Variants in ARAP3 observed in about 807,000 individuals in gnomAD.
ARAP3 encodes the protein ArfGAP with RhoGAP domain, ankyrin repeat and PH domain 3.
ARAP3 carries 82 observed loss-of-function variants against 169.2 expected under a neutral mutation model. That is an observed-to-expected ratio of 0.48 (90% CI 0.41 to 0.58). The LOEUF (loss-of-function observed/expected upper bound fraction) is 0.58. Among genes scored for constraint, ARAP3 ranks in the 20% least tolerant of loss-of-function variants. The probability of loss-of-function intolerance (pLI) is 0.00; values close to 1 mark genes in which losing one functional copy is unlikely to be tolerated. For synonymous variants in ARAP3, 791 were observed against 800.3 expected (o/e 0.99, Z 0.20); for missense variants, 1,764 against 2,018.0 (o/e 0.87, Z 2.41).
At chr5:141,674,472 G>C (rs763731417) in intron 4 of ARAP3, among the ~76,000 whole-genome samples, 2 of 152,102 alleles carry the variant, frequency 1.3e-5, no homozygotes, top group Non-Finnish European at 2.9e-5. Flanking sequence ...TGCCCAGGCT[G>C]GTCTCAAACT....
At chr5:141,668,892 C>A (rs185163879) in intron 16 of ARAP3, among the ~76,000 whole-genome samples, 54 of 152,260 alleles carry the variant, frequency 3.5e-4, no homozygotes, top group African/African-American at 1.3e-3. Context: ...CAAAGGGGAA[C>A]TGCAGGCTGC....
chr5:141,658,347 A>G lies in ARAP3; in HGVS notation c.3526+18T>C, dbSNP rs2099909506. The G allele has an allele frequency of 1.2e-6, 2 of 1,608,882 alleles. No individual in the cohort carries two copies. The highest frequency in any genetic ancestry group is 1.7e-5 in the Admixed American group (1 of 59,956). On this transcript the variant is annotated intron_variant, in intron 25 of 32. Transcript: ENST00000239440. Reference sequence around the variant, plus strand: ...CGCATATACACATGCATGAACACACAGGCGTGGTCATACTCACCCAGCTCC... The same window carrying G: ...CGCATATACACATGCATGAACACACGGGCGTGGTCATACTCACCCAGCTCC...
chr5:141,682,033 A>G (rs1216478558), intron 1 of ARAP3, 140 bp downstream of exon 1: 59 of 147,180 alleles, frequency 4.0e-4, no homozygotes, highest in Admixed American at 2.9e-3. Context: ...GAGGCCGGGC[A>G]GCAGGAGGGA....
In ARAP3 at chr5:141,654,262, G is replaced by T. The variant is rs2099908903; in HGVS notation, c.4323C>A (p.Ser1441Arg). ...WTVKPENPLTSQKSLDQPFLS... is the reference protein window; with the variant it reads ...WTVKPENPLTRQKSLDQPFLS... ...GAAAGGGTTGATCCAATGACTTCTG[G>T]CTGGTGAGGGGGTTCTCTGGCTTCA... The change falls in exon 33 of 33, where the codon AGC (serine) becomes AGA (arginine). Residue 1441 changes from serine (S) to arginine (R), a missense_variant. By Grantham distance (110) the Ser-to-Arg change is moderately radical (BLOSUM62 -1). This residue lies in a region of ARAP3 where 1,112 missense variants were observed against 1,285.7 expected (regional missense o/e 0.86). Transcript: ENST00000239440. 1 of 1,614,188 alleles carries T rather than the reference G, an allele frequency of 6.2e-7. No homozygotes were observed. The highest frequency in any genetic ancestry group is 8.5e-7 in the Non-Finnish European group (1 of 1,180,030).
At position 141,671,463 on chromosome 5, in the gene ARAP3, G is replaced by A. The variant is rs541134229; in HGVS notation, c.1855-63C>T. 8 of 1,598,034 alleles carry A rather than the reference G, an allele frequency of 5.0e-6. No homozygotes were observed. The highest frequency in any genetic ancestry group is 4.5e-5 in the East Asian group (2 of 44,764). ...CAAACTGAGAGCACTGGGGACAGTC[G>A]TATCATCACTAAAAACAGTCCCCAC... On this transcript the variant is annotated intron_variant, in intron 12 of 32. Coordinates refer to ENST00000239440, the MANE Select transcript of ARAP3 (RefSeq NM_022481.6). This position sits in a 1 kb window ranked among gnomAD's most constrained non-coding sequence, Gnocchi z 4.9.
rs541231665 is a variant in ARAP3 at position 141,670,760 on chromosome 5, A to G, written c.1991-132T>C. On this transcript the variant is annotated intron_variant, in intron 13 of 32. Coordinates refer to ENST00000239440, the MANE Select transcript of ARAP3 (RefSeq NM_022481.6). ...TGCCAGCACAGCCAAGTAGAGCCCA[A>G]TGGAGCTGGATCCCTCACTACCCAG... The G allele has an allele frequency of 2.1e-4, 152 of 714,404 alleles. 4 individuals carry two copies. In the East Asian group the frequency reaches 3.7e-3, roughly 17 times the overall value. The allele number at this position is 714,404 out of a possible 1,614,324, so 44.3% of individuals were successfully genotyped here.
chr5:141,661,629 T>G, intron 21 of ARAP3, 55 bp downstream of exon 21: 1 of 1,483,002 alleles, frequency 6.7e-7, no homozygotes, highest in Non-Finnish European at 9.4e-7. Flanking sequence ...TGAATGAAAG[T>G]GCAGGGTCAG....
Position 141,656,657 on chromosome 5 carries a change from C to G in ARAP3, c.3656-20G>C, listed in dbSNP as rs1402806889. 4 of 1,613,416 alleles carry G rather than the reference C, an allele frequency of 2.5e-6. No individual in the cohort carries two copies. The Admixed American group carries it at 6.7e-5, about 27-fold the overall frequency. ...GGATACCTGGGCATAGATGGGCAATCCTGGGTGGAGGATGCTAGGGGAGAG... is the reference window on the plus strand; with the variant it reads ...GGATACCTGGGCATAGATGGGCAATGCTGGGTGGAGGATGCTAGGGGAGAG... On this transcript the variant is annotated intron_variant, in intron 26 of 32. Coordinates refer to ENST00000239440, the MANE Select transcript of ARAP3 (RefSeq NM_022481.6).
chr5:141,674,673 T>C (rs4912610), intron 4 of ARAP3, among the ~76,000 whole-genome samples: 22,991 of 152,178 alleles, frequency 0.15, 2,138 homozygotes, highest in East Asian at 0.28. Flanking sequence ...TCCATCTTCT[T>C]TGCCGTTAGT....
At chr5:141,673,959 C>CTTTTTTTTTTTTTTTTTT (rs10712701) in intron 4 of ARAP3, 151 bp from the exon 5 acceptor site, 7 of 364,808 alleles carry the variant, frequency 1.9e-5, no homozygotes, top group Non-Finnish European at 3.2e-5. Flanking sequence ...TTCTTTTCTT[C>CTTTTTTTTTTTTTTTTTT]TTTTTTTTTT....
Position 141,669,733 on chromosome 5 carries a change from C to A in ARAP3, c.2328G>T (p.Glu776Asp), listed in dbSNP as rs568939612. ...HFGTDGADSL[E>D]AWTSAVGKWF... ...CCTTGCCCACAGCACTAGTCCAGGCCTCCAGACTGTCAGCTCCATCTGTGC... is the reference window on the plus strand; with the variant it reads ...CCTTGCCCACAGCACTAGTCCAGGCATCCAGACTGTCAGCTCCATCTGTGC... Residue 776 changes from glutamate to aspartate, a missense_variant, in exon 16 of 33, where the codon GAG (glutamate) becomes GAT (aspartate). Around this residue, in one of 3 missense-constraint regions of ARAP3, gnomAD observed 1,112 missense variants for 1,285.7 expected, o/e 0.86. Coordinates refer to ENST00000239440, the MANE Select transcript of ARAP3 (RefSeq NM_022481.6). The A allele has an allele frequency of 1.7e-5, 27 of 1,614,110 alleles. No homozygotes were observed. The South Asian group carries it at 2.9e-4, about 17-fold the overall frequency.
In ARAP3 at chr5:141,666,424, T is replaced by C. The variant is rs548064332; in HGVS notation, c.2572A>G (p.Ser858Gly). Residue 858 changes from serine to glycine, a missense_variant and splice_region_variant, in exon 17 of 33, where the codon AGT becomes GGT. Transcript: ENST00000239440. ...TGTCCCCCCAAACCTCCCCGCTTAC[T>C]GATCTCCTGTAGCCGCCGCAGATGC... ...MVHLRRLQEI[S>G]VVSAADTPDK... 45 of 1,566,914 alleles carry C rather than the reference T, an allele frequency of 2.9e-5. No individual in the cohort carries two copies. The South Asian group carries it at 4.9e-4, about 17-fold the overall frequency.
intron 30 of ARAP3, 22 bp from the exon 31 acceptor site, chr5:141,655,780 G>A (rs986508299): frequency 1.2e-6 from 2 of 1,614,158 alleles, no homozygotes; most frequent in Non-Finnish European, 1.7e-6. Context: ...GTGAGGGGTT[G>A]GCATCAGTGG....
rs201209488 is a variant in ARAP3 at position 141,672,835 on chromosome 5, G to A, written c.1184C>T (p.Pro395Leu). 11 of 1,613,156 alleles carry A rather than the reference G, an allele frequency of 6.8e-6. No individual in the cohort carries two copies. In the East Asian group the frequency reaches 2.2e-4, roughly 33 times the overall value. Residue 395 changes from proline (P) to leucine (L), a missense_variant, in exon 8 of 33, where the codon CCC (proline) becomes CTC (leucine). Transcript: ENST00000239440. The surrounding 1 kb of genome is among the most constrained non-coding windows in gnomAD (Gnocchi z 4.9). ...CAGCTCCAGCATGCCCGTGCGGAGG[G>A]GTCGGGGTGGTTGGGGGGGCCGGGG... ...GHPRPPQPPRPLRTGMLELRG... is the reference protein window; with the variant it reads ...GHPRPPQPPRLLRTGMLELRG...
At chr5:141,669,858 G>A (rs2099911196) in intron 15 of ARAP3, 47 bp from the exon 16 acceptor site, 2 of 1,610,044 alleles carry the variant, frequency 1.2e-6, no homozygotes, top group African/African-American at 2.7e-5. Flanking sequence ...CAATGAGAGG[G>A]CTGTCAGGCT....
Position 141,671,238 on chromosome 5 carries a change from G to A in ARAP3, c.1990+27C>T, listed in dbSNP as rs201300990. 1 of 1,573,560 alleles carries A rather than the reference G, an allele frequency of 6.4e-7. No individual in the cohort carries two copies. The highest frequency in any genetic ancestry group is 1.9e-5 in the Admixed American group (1 of 53,754). Reference sequence around the variant, plus strand: ...GTTGGGTCTGAGAATTCCTGTAGGGGAGAGAGGAGGCACTTGGGGGAATGA... The same window carrying A: ...GTTGGGTCTGAGAATTCCTGTAGGGAAGAGAGGAGGCACTTGGGGGAATGA... On this transcript the variant is annotated intron_variant, in intron 13 of 32. Transcript: ENST00000239440. This position sits in a 1 kb window ranked among gnomAD's most constrained non-coding sequence, Gnocchi z 4.9.
rs527841401 is a variant in ARAP3 at position 141,670,175 on chromosome 5, T to G, written c.2108-112A>C. ...AGCCCTTTGCCCATATATGATCCCATGTAATCTTCACAATAACCCTATGAG... is the reference window on the plus strand; with the variant it reads ...AGCCCTTTGCCCATATATGATCCCAGGTAATCTTCACAATAACCCTATGAG... On this transcript the variant is annotated intron_variant, in intron 14 of 32. Transcript: ENST00000239440. 3.7e-5 allele frequency: 51 copies of G among 1,394,126 alleles called. 1 individual carries two copies. The highest frequency in any genetic ancestry group is 2.5e-4 in the Middle Eastern group (1 of 4,028). 86.4% of individuals were successfully genotyped at this position (1,394,126 alleles called of 1,614,324 possible).
chr5:141,676,150 C>A (rs1406153106), intron 4 of ARAP3, among the ~76,000 whole-genome samples: 1 of 152,188 alleles, frequency 6.6e-6, no homozygotes, highest in Non-Finnish European at 1.5e-5. Context: ...GAGGTCGAGA[C>A]CATCCTGGCC....
At chr5:141,656,691 G>T in intron 26 of ARAP3, 27 bp downstream of exon 26, 1 of 1,613,116 alleles carries the variant, frequency 6.2e-7, no homozygotes, top group Non-Finnish European at 8.5e-7. Flanking sequence ...AGACCTGGGG[G>T]ATGCTGGGCA....
Sources: gnomAD v4.1 joint callset for allele counts (sites outside exome capture counted in the v4.1 genomes callset) on GRCh38, gnomAD v4.1.1 for gene constraint, gnomAD v4.1.1 regional missense constraint, Gnocchi (gnomAD v3.1) non-coding constraint, MANE v1.5 for transcripts, NCBI Gene and HGNC (gene_info 2026-07-23, HGNC 2026-07-21) for gene names.